LINGO1: variants seen among roughly 807,000 people sequenced by gnomAD.
LINGO1 encodes the protein leucine rich repeat and Ig domain containing 1.
LINGO1 carries 11 observed loss-of-function variants against 37.3 expected under a neutral mutation model. That is an observed-to-expected ratio of 0.29 (90% CI 0.19 to 0.49). LINGO1 has a LOEUF of 0.49. Ranked by LOEUF, LINGO1 falls within the 20% of genes least tolerant of loss-of-function variation. LINGO1 has a pLI of 0.99. For missense variants in LINGO1, 585 were observed against 878.2 expected (o/e 0.67, Z 4.22); for synonymous variants, 387 against 403.0 (o/e 0.96, Z 0.48).
chr15:77,615,213 C>T lies in LINGO1; in HGVS notation c.694G>A (p.Asp232Asn). 6.2e-7 allele frequency: 1 copy of T among 1,613,698 alleles called. No homozygotes were observed. The highest frequency in any genetic ancestry group is 8.5e-7 in the Non-Finnish European group (1 of 1,179,810). ...CGGTACAGCCTCTTGAAGGAGTAGTCCCGGATGGCATTGATGTTGAGGTGC... is the reference window on the plus strand; with the variant it reads ...CGGTACAGCCTCTTGAAGGAGTAGTTCCGGATGGCATTGATGTTGAGGTGC... ...LRHLNINAIR[D>N]YSFKRLYRLK... The change falls in exon 2 of 2, where the codon GAC becomes AAC. Residue 232 changes from aspartate (D) to asparagine (N), a missense_variant. By Grantham distance (23) the Asp-to-Asn change is conservative. Transcript: ENST00000355300.
At chr15:77,669,055 T>C (rs1364664095) in intron 3 of LINGO1, among the ~76,000 whole-genome samples, 2 of 152,238 alleles carry the variant, frequency 1.3e-5, no homozygotes, top group East Asian at 3.8e-4. Flanking sequence ...TCTTCGCCGC[T>C]GTGCATGTCA....
chr15:77,721,937 G>A (rs1052717691), intron 2 of LINGO1, among the ~76,000 whole-genome samples: 6 of 148,014 alleles, frequency 4.1e-5, no homozygotes, highest in African/African-American at 1.3e-4. Flanking sequence ...CCCTCTTCCC[G>A]CTGCAGAGCC....
intron 2 of LINGO1, among the ~76,000 whole-genome samples, chr15:77,794,362 GTATATACATACGTATA>G (rs1249971044): frequency 5.5e-5 from 4 of 72,302 alleles, no homozygotes; most frequent in East Asian, 3.3e-4. Flanking sequence ...GTATATATGT[GTATATACATACGTATA>G]TGTATATACA....
intron 3 of LINGO1, among the ~76,000 whole-genome samples, chr15:77,655,382 C>T (rs546537497): frequency 2.6e-5 from 4 of 152,162 alleles, no homozygotes; most frequent in Non-Finnish European, 4.4e-5. Flanking sequence ...TTCCTCCCAT[C>T]CCACCTTCTC....
chr15:77,642,238 C>T (rs1417324840), intron 3 of LINGO1, among the ~76,000 whole-genome samples: 1 of 152,080 alleles, frequency 6.6e-6, no homozygotes, highest in African/African-American at 2.4e-5. Context: ...GAGACAGCTG[C>T]GGAGGGGGAA....
intron 1 of LINGO1, among the ~76,000 whole-genome samples, chr15:77,628,699 TG>T: frequency 6.6e-6 from 1 of 152,150 alleles, no homozygotes; most frequent in East Asian, 1.9e-4. Context: ...GTATTATTAC[TG>T]CTACTACGAT....
intron 1 of LINGO1, among the ~76,000 whole-genome samples, chr15:77,619,213 T>C (rs968198497): frequency 4.6e-5 from 7 of 151,798 alleles, no homozygotes; most frequent in Non-Finnish European, 8.8e-5. Context: ...GGGCAGAGAG[T>C]ATGTCTGTAG....
intron 2 of LINGO1, among the ~76,000 whole-genome samples, chr15:77,733,935 T>G (rs1400697011): frequency 2.0e-5 from 3 of 152,224 alleles, no homozygotes; most frequent in Admixed American, 2.0e-4. Flanking sequence ...TTCACATCTA[T>G]TGAGCACCAA....
rs533038001 is a variant in LINGO1 at position 77,702,621 on chromosome 15, G to A, written c.-194-11720C>T. 4.6e-5 allele frequency among the ~76,000 whole-genome samples: 7 copies of A among 152,332 alleles called. No homozygotes were observed. In the South Asian group the frequency reaches 1.2e-3, roughly 27 times the overall value. On this transcript the variant is annotated intron_variant, in intron 2 of 3. Transcript: ENST00000561686. ...CTCTAGGTAAGGAAACTGAGGCTCA[G>A]ACCAAAGTGGCCAGAAAGAGTTGCA...
intron 1 of LINGO1, among the ~76,000 whole-genome samples, chr15:77,776,424 GC>G (rs1354552392): frequency 3.4e-5 from 5 of 146,770 alleles, no homozygotes; most frequent in African/African-American, 1.3e-4. Flanking sequence ...GGTCTTGGGG[GC>G]AGGTCACCTG....
At chr15:77,774,079 C>T (rs2076612537) in intron 1 of LINGO1, among the ~76,000 whole-genome samples, 1 of 152,114 alleles carries the variant, frequency 6.6e-6, no homozygotes, top group Non-Finnish European at 1.5e-5. Context: ...AGGACAGGGG[C>T]TCCAGGGATG....
At chr15:77,765,887 C>A (rs1336699859) in intron 1 of LINGO1, among the ~76,000 whole-genome samples, 1 of 152,116 alleles carries the variant, frequency 6.6e-6, no homozygotes, top group Non-Finnish European at 1.5e-5. Flanking sequence ...CACCCCTGCA[C>A]AAGGGACACC....
chr15:77,643,194 A>G (rs2074548302), intron 3 of LINGO1, among the ~76,000 whole-genome samples: 3 of 152,240 alleles, frequency 2.0e-5, no homozygotes, highest in Admixed American at 2.0e-4. Flanking sequence ...AGTATCAGTC[A>G]GGGCAGCCTG....
rs551668605 is a variant in LINGO1, at chr15:77,657,932, T to TA, written c.-13+19156dup. Among the ~76,000 whole-genome samples the TA allele has an allele frequency of 2.2e-3, 337 of 152,246 alleles. 1 individual carries two copies. The highest frequency in any genetic ancestry group is 7.6e-3 in the African/African-American group (316 of 41,532). On this transcript the variant is annotated intron_variant, in intron 3 of 3. Transcript: ENST00000559893. ...ACGTGACAAAAATGTGTCAGATTTT[T>TA]AAAAAACCGCACACACACACAAATG...
At chr15:77,627,384 G>A (rs924527736) in intron 1 of LINGO1, among the ~76,000 whole-genome samples, 1 of 152,114 alleles carries the variant, frequency 6.6e-6, no homozygotes, top group Non-Finnish European at 1.5e-5. Flanking sequence ...CAGACCCTCT[G>A]GGCTGGCAAG....
intron 1 of LINGO1, among the ~76,000 whole-genome samples, chr15:77,752,240 G>A (rs2076379318): frequency 6.6e-6 from 1 of 152,194 alleles, no homozygotes; most frequent in South Asian, 2.1e-4. Flanking sequence ...AAGGTGGACT[G>A]CCCACCACAC....
chr15:77,735,183 G>C (rs977127794), intron 1 of LINGO1: 4 of 151,412 alleles, frequency 2.6e-5, no homozygotes. Flanking sequence ...GATAGAGCAG[G>C]AGGAGACCTG....
chr15:77,645,151 A>G (rs1304195043), intron 3 of LINGO1, among the ~76,000 whole-genome samples: 6 of 152,294 alleles, frequency 3.9e-5, no homozygotes, highest in Admixed American at 2.6e-4. Context: ...CTGCACTTCC[A>G]GACACCCCTC....
At chr15:77,633,882 C>A (rs1042752027), upstream of LINGO1, among the ~76,000 whole-genome samples, 1 of 152,196 alleles carries the variant, frequency 6.6e-6, no homozygotes, top group African/African-American at 2.4e-5. Flanking sequence ...CCCTCAGGAC[C>A]TCACCTTTTT....
Sources: allele counts gnomAD v4.1 joint callset (sites outside exome capture counted in the v4.1 genomes callset), GRCh38; gene constraint gnomAD v4.1.1; transcripts MANE v1.5; gene names NCBI Gene and HGNC (gene_info 2026-07-23, HGNC 2026-07-21).